Variants in EPB41L2 observed in about 807,000 individuals in gnomAD.
EPB41L2 encodes erythrocyte membrane protein band 4.1 like 2, also known as band 4.1-like protein 2.
EPB41L2 carries 43 observed loss-of-function variants against 113.0 expected under a neutral mutation model. The observed-to-expected ratio is 0.38, with a 90% confidence interval of 0.30 to 0.49. The LOEUF (loss-of-function observed/expected upper bound fraction) is 0.49, where lower values mean the gene tolerates loss of function less well. EPB41L2 is among the 20% of genes least tolerant of loss of function. The probability of loss-of-function intolerance (pLI) is 0.95; values close to 1 mark genes in which losing one functional copy is unlikely to be tolerated. For synonymous variants in EPB41L2, 442 were observed against 436.7 expected, an observed-to-expected ratio of 1.01 and a Z score of -0.15; for missense variants, 1,147 against 1,223.4, an observed-to-expected ratio of 0.94 and a Z score of 0.93.
chr6:131,014,333 T>C (rs1271450534), intron 1 of EPB41L2: 2 of 152,212 alleles, frequency 1.3e-5, no homozygotes, highest in Non-Finnish European at 2.9e-5. Context: ...CAATGCTGCC[T>C]TTTAAATGCA....
At chr6:131,041,823 T>C (rs1794511015) in intron 1 of EPB41L2, among the ~76,000 whole-genome samples, 3 of 152,216 alleles carry the variant, frequency 2.0e-5, no homozygotes, top group African/African-American at 7.2e-5. Flanking sequence ...AAACATAATA[T>C]AGATCTTATC....
intron 19 of EPB41L2, among the ~76,000 whole-genome samples, chr6:130,842,717 T>C (rs907580618): frequency 6.6e-6 from 1 of 152,194 alleles, no homozygotes; most frequent in Admixed American, 6.5e-5. Flanking sequence ...AAAGCTAAAA[T>C]TAAACTTGTT....
intron 1 of EPB41L2, among the ~76,000 whole-genome samples, chr6:130,993,688 C>CT (rs1782421043): frequency 9.0e-6 from 1 of 111,238 alleles, no homozygotes; most frequent in Non-Finnish European, 2.1e-5. Context: ...CGGCTGCTGG[C>CT]GCAAGTGACC....
intron 4 of EPB41L2, among the ~76,000 whole-genome samples, chr6:130,916,887 C>A (rs919180913): frequency 6.6e-6 from 1 of 152,176 alleles, no homozygotes; most frequent in Non-Finnish European, 1.5e-5. Context: ...GTAGAAATTT[C>A]TTTCTTTTCC....
chr6:131,007,723 T>C (rs1019231073), intron 1 of EPB41L2, among the ~76,000 whole-genome samples: 9 of 152,350 alleles, frequency 5.9e-5, no homozygotes, highest in African/African-American at 2.2e-4. Flanking sequence ...ACTGTTTCTA[T>C]GCTTTAGCAA....
At position 130,993,872 on chromosome 6, in the gene EPB41L2, T is replaced by C. The variant is rs540632866; in HGVS notation, c.-14-37373A>G. 2.0e-5 allele frequency among the ~76,000 whole-genome samples: 3 copies of C among 152,330 alleles called. No homozygotes were observed. The East Asian group carries it at 5.8e-4, about 29-fold the overall frequency. On this transcript the variant is annotated intron_variant, in intron 1 of 19. Transcript: ENST00000337057. The stretch of plus-strand genomic sequence containing the variant: ...TTGGCCTACCTGCCACCATCAGGGT[T>C]ACCCTTGGCTCGGATGAAAAATGTT...
intron 1 of EPB41L2, among the ~76,000 whole-genome samples, chr6:131,000,127 C>T (rs775736057): frequency 1.6e-4 from 24 of 149,704 alleles, no homozygotes; most frequent in Non-Finnish European, 2.7e-4. Context: ...GATGTAAATA[C>T]CGTATAAAGA....
Position 130,839,398 on chromosome 6 carries a change from A to G in EPB41L2, c.*1206T>C, listed in dbSNP as rs1252313018. 1.3e-5 allele frequency: 2 copies of G among 152,254 alleles called. No individual in the cohort carries two copies. The highest frequency in any genetic ancestry group is 2.9e-5 in the Non-Finnish European group (2 of 68,042). The allele number at this position is 152,254 out of a possible 1,614,324, so 9.4% of individuals were successfully genotyped here. On this transcript the variant is annotated 3_prime_UTR_variant, in exon 20 of 20. Transcript: ENST00000337057. ...ATAATAGTATTACAGGAAGCAAAATATCATTTAATACAACTTGAGGCTGCT... is the reference window on the plus strand; with the variant it reads ...ATAATAGTATTACAGGAAGCAAAATGTCATTTAATACAACTTGAGGCTGCT...
chr6:131,011,930 G>C (rs930676645), intron 1 of EPB41L2, among the ~76,000 whole-genome samples: 11 of 152,214 alleles, frequency 7.2e-5, no homozygotes, highest in African/African-American at 2.4e-4. Flanking sequence ...TCCAGGCCAA[G>C]CACAGTGGCT....
At position 131,053,434 on chromosome 6, in the gene EPB41L2, TAAAA is replaced by T. The variant is rs71030727; in HGVS notation, c.-15+9717_-15+9720del. Among the ~76,000 whole-genome samples the T allele has an allele frequency of 6.1e-3, 541 of 88,898 alleles. 2 individuals are homozygous for T. The highest frequency in any genetic ancestry group is 0.022 in the African/African-American group (511 of 23,538). 58.3% of individuals were successfully genotyped at this position (88,898 alleles called of 152,430 possible). ...GACGAAGGGACGAACATGGAAATGATAAAAAAAAAAAAAAAAAAAAAAAAAGAAA... is the reference window on the plus strand; with the variant it reads ...GACGAAGGGACGAACATGGAAATGATAAAAAAAAAAAAAAAAAAAAAGAAA... On this transcript the variant is annotated intron_variant, in intron 1 of 19. Transcript: ENST00000337057.
At chr6:130,986,540 A>C (rs984735813) in intron 1 of EPB41L2, among the ~76,000 whole-genome samples, 8 of 152,048 alleles carry the variant, frequency 5.3e-5, no homozygotes, top group Admixed American at 5.2e-4. Context: ...GGTTCTAGGG[A>C]AAGTGAAGAG....
At chr6:130,907,985 T>A (rs1432300154) in intron 5 of EPB41L2, among the ~76,000 whole-genome samples, 1 of 152,174 alleles carries the variant, frequency 6.6e-6, no homozygotes, top group African/African-American at 2.4e-5. Flanking sequence ...GATTTTATTC[T>A]CCAGACCGAA....
At chr6:130,933,851 G>A (rs1047417868) in intron 3 of EPB41L2, among the ~76,000 whole-genome samples, 7 of 152,104 alleles carry the variant, frequency 4.6e-5, no homozygotes, top group African/African-American at 9.7e-5. Context: ...CTGCTTACCC[G>A]GCAGATTGTA....
intron 1 of EPB41L2, among the ~76,000 whole-genome samples, chr6:131,041,855 G>A (rs4897488): frequency 0.72 from 109,671 of 152,108 alleles, 39,797 homozygotes; most frequent in Non-Finnish European, 0.75. Context: ...TTTAACTATA[G>A]AAGCATTTAT....
At chr6:130,950,327 T>C (rs952732859) in intron 3 of EPB41L2, among the ~76,000 whole-genome samples, 2 of 152,088 alleles carry the variant, frequency 1.3e-5, no homozygotes, top group African/African-American at 2.4e-5. Context: ...GGTAAATCTA[T>C]AGTAAGAATA....
At chr6:131,059,145 G>A (rs1487222887) in intron 1 of EPB41L2, among the ~76,000 whole-genome samples, 2 of 132,386 alleles carry the variant, frequency 1.5e-5, no homozygotes, top group Admixed American at 8.4e-5. Context: ...GATGGAGTCT[G>A]GCTCTGTCAC....
chr6:130,871,514 C>T (rs999343555), intron 14 of EPB41L2, among the ~76,000 whole-genome samples: 1 of 152,160 alleles, frequency 6.6e-6, no homozygotes, highest in Admixed American at 6.5e-5. Context: ...TCATCTCTCC[C>T]AGACACTTGG....
At position 131,003,989 on chromosome 6, in the gene EPB41L2, CA is replaced by C. The variant is rs201065453; in HGVS notation, c.-14-47491del. Among the ~76,000 whole-genome samples, 33 of 151,730 alleles carry C rather than the reference CA, an allele frequency of 2.2e-4. No homozygotes were observed. In the East Asian group the frequency reaches 5.0e-3, roughly 23 times the overall value. On this transcript the variant is annotated intron_variant, in intron 1 of 19. Transcript: ENST00000337057. ...CTCTGCTTAGGAAGCCCTGTACTTACAACTTATCAGCTTTAAACTTTTTATA... is the reference window on the plus strand; with the variant it reads ...CTCTGCTTAGGAAGCCCTGTACTTACACTTATCAGCTTTAAACTTTTTATA...
chr6:130,934,781 CTTTCTTTTTGT>C (rs1272083675), intron 3 of EPB41L2, among the ~76,000 whole-genome samples: 22 of 148,066 alleles, frequency 1.5e-4, no homozygotes, highest in Non-Finnish European at 2.8e-4. Context: ...GCACCCGTCC[CTTTCTTTTTGT>C]TTTCTTTTTT....
Sources: allele counts gnomAD v4.1 joint callset (sites outside exome capture counted in the v4.1 genomes callset), GRCh38; gene constraint gnomAD v4.1.1; transcripts MANE v1.5; gene names NCBI Gene and HGNC (gene_info 2026-07-23, HGNC 2026-07-21).